Variants in STOX2 observed in about 807,000 individuals in gnomAD.
The protein encoded by STOX2 is storkhead box 2.
A neutral mutation model predicts 60.9 loss-of-function variants in STOX2; 28 were observed. The ratio of observed to expected loss-of-function variants is 0.46; its 90% CI spans 0.34 to 0.63. STOX2 has a LOEUF of 0.63. Among genes scored for constraint, STOX2 ranks in the 30% least tolerant of loss-of-function variants. The probability of loss-of-function intolerance (pLI) is 0.01; values close to 1 mark genes in which losing one functional copy is unlikely to be tolerated. For synonymous variants in STOX2, 472 were observed against 463.9 expected (o/e 1.02, Z -0.22); for missense variants, 1,024 against 1,187.7 (o/e 0.86, Z 2.03).
At chr4:183,882,348 A>G (rs1478834985) in intron 1 of STOX2, among the ~76,000 whole-genome samples, 1 of 152,178 alleles carries the variant, frequency 6.6e-6, no homozygotes, top group Non-Finnish European at 1.5e-5. Flanking sequence ...CTAGGTTCCC[A>G]CTTTTTAAAG....
At chr4:183,816,108 G>A (rs570090442) in intron 1 of STOX2, among the ~76,000 whole-genome samples, 20 of 152,288 alleles carry the variant, frequency 1.3e-4, no homozygotes, top group Non-Finnish European at 2.1e-4. Context: ...AATAACCAGC[G>A]ATTTCATGAG....
intron 1 of STOX2, among the ~76,000 whole-genome samples, chr4:183,954,588 C>A (rs372446590): frequency 6.6e-6 from 1 of 151,718 alleles, no homozygotes; most frequent in African/African-American, 2.4e-5. Flanking sequence ...ACGCCAAGCC[C>A]GCTTTTGTTT....
At chr4:183,804,295 T>G (rs907352411) in intron 1 of STOX2, among the ~76,000 whole-genome samples, 1 of 152,202 alleles carries the variant, frequency 6.6e-6, no homozygotes, top group Non-Finnish European at 1.5e-5. Context: ...CTAGAAGCAG[T>G]GTTTTGGATG....
chr4:183,815,763 G>T (rs1739139668), intron 1 of STOX2, among the ~76,000 whole-genome samples: 1 of 152,208 alleles, frequency 6.6e-6, no homozygotes, highest in Non-Finnish European at 1.5e-5. Context: ...TCTTTTGAAT[G>T]AGGTCTCTCG....
Position 183,821,963 on chromosome 4 carries a change from A to C in STOX2, c.364+23908A>C, listed in dbSNP as rs968307908. On this transcript the variant is annotated intron_variant, in intron 1 of 2. Coordinates refer to the STOX2 transcript ENST00000513034. This position sits in a 1 kb window ranked among gnomAD's most constrained non-coding sequence, Gnocchi z 4.2. Reference sequence around the variant, plus strand: ...CCTAAAAAGGACGCTTGTGTGTGGAAAAGGTGATACAGTTTGTGTCGGGTC... The same window carrying C: ...CCTAAAAAGGACGCTTGTGTGTGGACAAGGTGATACAGTTTGTGTCGGGTC... Among the ~76,000 whole-genome samples the C allele has an allele frequency of 6.6e-6, 1 of 152,196 alleles. No individual in the cohort carries two copies. Among genetic ancestry groups the C allele is most frequent in the African/African-American group, 2.4e-5 (1 of 41,448 alleles).
At chr4:183,933,271 AT>A (rs1742489642) in intron 1 of STOX2, among the ~76,000 whole-genome samples, 1 of 152,242 alleles carries the variant, frequency 6.6e-6, no homozygotes, top group Non-Finnish European at 1.5e-5. Flanking sequence ...ATTTACTTTA[AT>A]ACTGCAGATT....
chr4:183,816,429 T>C (rs1052275036), intron 1 of STOX2, among the ~76,000 whole-genome samples: 2 of 152,186 alleles, frequency 1.3e-5, no homozygotes, highest in Admixed American at 1.3e-4. Flanking sequence ...TTCTCACTTA[T>C]AAGCGGGAGC....
chr4:183,970,179 T>TGGGGGG (rs1246316917), intron 1 of STOX2, among the ~76,000 whole-genome samples: 8 of 139,534 alleles, frequency 5.7e-5, no homozygotes, highest in African/African-American at 1.9e-4. Context: ...TGTGTGTGTG[T>TGGGGGG]GTGGGGTTCC....
intron 1 of STOX2, chr4:183,987,841 C>T (rs1254557539): frequency 6.6e-6 from 1 of 152,236 alleles, no homozygotes; most frequent in Non-Finnish European, 1.5e-5. Context: ...CCGCCTGTTA[C>T]ACACAGGAGG....
intron 1 of STOX2, among the ~76,000 whole-genome samples, chr4:183,981,448 C>G (rs2111188600): frequency 6.6e-6 from 1 of 151,752 alleles, no homozygotes; most frequent in South Asian, 2.1e-4. Context: ...TACACTCAGG[C>G]ATGTTTTAAC....
At chr4:183,987,545 A>G (rs531271178) in intron 1 of STOX2, 5 of 151,762 alleles carry the variant, frequency 3.3e-5, no homozygotes, top group African/African-American at 1.2e-4. Context: ...CCCAAATCCC[A>G]TGAATCCCAC....
In STOX2 at chr4:183,970,022, C is replaced by T. The variant is rs143488334; in HGVS notation, c.167-31303C>T. Among the ~76,000 whole-genome samples, 81 of 152,260 alleles carry T rather than the reference C, an allele frequency of 5.3e-4. No individual in the cohort carries two copies. The East Asian group carries it at 0.014, about 27-fold the overall frequency. On this transcript the variant is annotated intron_variant, in intron 1 of 3. Coordinates refer to ENST00000308497, the MANE Select transcript of STOX2 (RefSeq NM_020225.3). ...ACAAAGTATAAAGGAGCTGATCCAT[C>T]AGCCATTCATTCCTGTCTCAATAGA...
chr4:183,891,356 ATT>A (rs1195130948), intron 1 of STOX2, among the ~76,000 whole-genome samples: 3 of 82,544 alleles, frequency 3.6e-5, no homozygotes, highest in African/African-American at 4.9e-5. Context: ...ATATGATGGA[ATT>A]TATATATATA....
intron 1 of STOX2, among the ~76,000 whole-genome samples, chr4:183,989,636 A>G (rs1397423938): frequency 6.6e-6 from 1 of 152,228 alleles, no homozygotes; most frequent in Non-Finnish European, 1.5e-5. Flanking sequence ...CAAGACTAAC[A>G]TCATATTGAG....
At chr4:183,947,087 G>A (rs1198666175) in intron 1 of STOX2, among the ~76,000 whole-genome samples, 3 of 9,548 alleles carry the variant, frequency 3.1e-4, no homozygotes, top group East Asian at 0.14. Context: ...GGTGGGGGGT[G>A]GGGCAAGGGG....
At chr4:183,989,552 T>C (rs938729820) in intron 1 of STOX2, among the ~76,000 whole-genome samples, 1 of 152,218 alleles carries the variant, frequency 6.6e-6, no homozygotes, top group African/African-American at 2.4e-5. Context: ...TTTTGCATAC[T>C]GTTTGGCCTG....
intron 1 of STOX2, among the ~76,000 whole-genome samples, chr4:183,887,199 G>T (rs902432188): frequency 3.3e-5 from 5 of 152,162 alleles, no homozygotes; most frequent in Admixed American, 6.5e-5. Flanking sequence ...GGGAGATGGA[G>T]GTTGCAGTGA....
intron 1 of STOX2, among the ~76,000 whole-genome samples, chr4:183,840,251 A>T (rs1231061947): frequency 6.6e-6 from 1 of 152,226 alleles, no homozygotes; most frequent in African/African-American, 2.4e-5. Flanking sequence ...GAAAAGCTGA[A>T]TTTTTGAGAG....
At chr4:183,989,177 T>G (rs1275845591) in intron 1 of STOX2, among the ~76,000 whole-genome samples, 1 of 49,804 alleles carries the variant, frequency 2.0e-5, no homozygotes, top group African/African-American at 9.0e-5. Flanking sequence ...TGGTTTTTTT[T>G]TTTTTTTTTT....
Sources: gnomAD v4.1 joint callset for allele counts (sites outside exome capture counted in the v4.1 genomes callset) on GRCh38, gnomAD v4.1.1 for gene constraint, Gnocchi (gnomAD v3.1) non-coding constraint, MANE v1.5 for transcripts, NCBI Gene and HGNC (gene_info 2026-07-23, HGNC 2026-07-21) for gene names.